The following FSTL4 variants were observed in gnomAD, a reference collection of about 807,000 sequenced individuals.
The protein encoded by FSTL4 is follistatin like 4.
In FSTL4, 28 loss-of-function variants were observed where a neutral mutation model predicts 78.2. The observed-to-expected ratio is 0.36, with a 90% confidence interval of 0.27 to 0.49. FSTL4 has a LOEUF of 0.49. Among genes scored for constraint, FSTL4 ranks in the 20% least tolerant of loss-of-function variants. The pLI, the probability that FSTL4 is intolerant of heterozygous loss-of-function variation, is 0.98. For missense variants in FSTL4, 922 were observed against 1,084.9 expected (o/e 0.85, Z 2.11); for synonymous variants, 422 against 440.5 (o/e 0.96, Z 0.53).
intron 3 of FSTL4, among the ~76,000 whole-genome samples, chr5:133,438,308 G>C (rs1009659869): frequency 1.3e-5 from 2 of 152,232 alleles, no homozygotes; most frequent in African/African-American, 4.8e-5. Context: ...AGTGCTTACA[G>C]GCAAGAAGTC....
At chr5:133,201,756 G>A (rs183954804) in intron 15 of FSTL4, among the ~76,000 whole-genome samples, 177 bp downstream of exon 15, 2 of 152,324 alleles carry the variant, frequency 1.3e-5, no homozygotes, top group African/African-American at 4.8e-5. Context: ...AAGCAATGAG[G>A]ACTAGGCTCT....
At chr5:133,433,108 G>GA (rs1756973533) in intron 3 of FSTL4, among the ~76,000 whole-genome samples, 1 of 152,208 alleles carries the variant, frequency 6.6e-6, no homozygotes, top group South Asian at 2.1e-4. Context: ...GCAAGGCAAA[G>GA]AAAATCTAAG....
chr5:133,461,553 A>G (rs2112838582), intron 3 of FSTL4, among the ~76,000 whole-genome samples: 1 of 152,044 alleles, frequency 6.6e-6, no homozygotes, highest in African/African-American at 2.4e-5. Flanking sequence ...AAACAAACAA[A>G]CAAACAAACA....
At chr5:133,699,191 G>C in the FSTL4 span, among the ~76,000 whole-genome samples, 3 of 152,084 alleles carry the variant, frequency 2.0e-5, no homozygotes, top group Admixed American at 1.3e-4. Context: ...ATGAGACTTG[G>C]TATGATGTCA....
At chr5:133,450,611 T>C (rs1165650682) in intron 3 of FSTL4, among the ~76,000 whole-genome samples, 5 of 152,234 alleles carry the variant, frequency 3.3e-5, no homozygotes, top group Non-Finnish European at 7.3e-5. Flanking sequence ...TCTCACATCA[T>C]AAAGTTTAAA....
At chr5:133,771,825 TG>T in the FSTL4 span, among the ~76,000 whole-genome samples, 4 of 152,200 alleles carry the variant, frequency 2.6e-5, no homozygotes, top group Non-Finnish European at 4.4e-5. Flanking sequence ...AATAGCAGTT[TG>T]TGAAGATCAG....
the FSTL4 span, among the ~76,000 whole-genome samples, chr5:133,783,424 G>C: frequency 1.3e-5 from 2 of 152,144 alleles, no homozygotes; most frequent in African/African-American, 2.4e-5. Flanking sequence ...CCTCTCAAAG[G>C]CATCCTGGTT....
the FSTL4 span, among the ~76,000 whole-genome samples, chr5:133,718,400 A>G: frequency 7.7e-4 from 117 of 151,682 alleles, no homozygotes; most frequent in Middle Eastern, 6.8e-3. Flanking sequence ...CATTGTAGCT[A>G]CTCTAAAGAG....
Position 133,611,465 on chromosome 5 carries a change from C to T in FSTL4, c.-11+860G>A, listed in dbSNP as rs2112987622. Among the ~76,000 whole-genome samples the T allele has an allele frequency of 6.6e-6, 1 of 152,326 alleles. No homozygotes were observed. The highest frequency in any genetic ancestry group is 2.1e-4 in the South Asian group (1 of 4,834). On this transcript the variant is annotated intron_variant, in intron 1 of 15. Transcript: ENST00000265342. This position sits in a 1 kb window ranked among gnomAD's most constrained non-coding sequence, Gnocchi z 4.9. ...CAGGCGCCGAAAGCAGAGTGCTGTG[C>T]CTGCCTCGTCCAGGTCCCTCCTGAA...
At chr5:133,797,409 G>T in the FSTL4 span, among the ~76,000 whole-genome samples, 7 of 152,330 alleles carry the variant, frequency 4.6e-5, no homozygotes, top group African/African-American at 1.7e-4. Flanking sequence ...ATGACCTGCA[G>T]GGTTGACTTA....
At chr5:133,806,102 G>T in the FSTL4 span, among the ~76,000 whole-genome samples, 2 of 151,886 alleles carry the variant, frequency 1.3e-5, no homozygotes, top group Non-Finnish European at 2.9e-5. Context: ...TCTCTGGCCC[G>T]CAAAACAAAT....
At chr5:133,687,911 C>T in the FSTL4 span, among the ~76,000 whole-genome samples, 1 of 152,164 alleles carries the variant, frequency 6.6e-6, no homozygotes, top group East Asian at 1.9e-4. Flanking sequence ...AGGGAAGCTG[C>T]CTCCTCCCCA....
chr5:133,674,790 G>A, the FSTL4 span, among the ~76,000 whole-genome samples: 3 of 152,138 alleles, frequency 2.0e-5, no homozygotes, highest in Admixed American at 6.5e-5. Flanking sequence ...GTAATGAAAG[G>A]GGAACGTGCT....
At chr5:133,756,780 G>A in the FSTL4 span, among the ~76,000 whole-genome samples, 2 of 152,072 alleles carry the variant, frequency 1.3e-5, no homozygotes, top group Non-Finnish European at 2.9e-5. Flanking sequence ...TTGTGGTGAG[G>A]TTTTTTTCTA....
At chr5:133,698,823 A>C in the FSTL4 span, among the ~76,000 whole-genome samples, 1 of 151,360 alleles carries the variant, frequency 6.6e-6, no homozygotes, top group East Asian at 1.9e-4. Context: ...TACAAAATAC[A>C]ACGAGACCTC....
chr5:133,472,164 G>T (rs1230262544), intron 3 of FSTL4, among the ~76,000 whole-genome samples: 1 of 152,094 alleles, frequency 6.6e-6, no homozygotes, highest in East Asian at 1.9e-4. Context: ...GATATTTGGG[G>T]GTTATATAGC....
chr5:133,335,860 C>T (rs1396889609), intron 4 of FSTL4, among the ~76,000 whole-genome samples: 1 of 152,056 alleles, frequency 6.6e-6, no homozygotes, highest in East Asian at 1.9e-4. Context: ...TTATACCCAC[C>T]ACACCCATGA....
At chr5:133,743,926 CT>C in the FSTL4 span, among the ~76,000 whole-genome samples, 1 of 152,204 alleles carries the variant, frequency 6.6e-6, no homozygotes, top group African/African-American at 2.4e-5. Flanking sequence ...TCAGGGACTG[CT>C]GGGAAAATTG....
At chr5:133,804,128 C>T in the FSTL4 span, among the ~76,000 whole-genome samples, 94 of 152,254 alleles carry the variant, frequency 6.2e-4, no homozygotes, top group African/African-American at 2.1e-3. Context: ...CCTCTAAATC[C>T]CTATATTCAA....
Sources: allele counts gnomAD v4.1 joint callset (sites outside exome capture counted in the v4.1 genomes callset), GRCh38; gene constraint gnomAD v4.1.1; non-coding constraint Gnocchi (gnomAD v3.1); transcripts MANE v1.5; gene names NCBI Gene and HGNC (gene_info 2026-07-23, HGNC 2026-07-21).